ADAM22: variants seen among roughly 807,000 people sequenced by gnomAD.
ADAM22 encodes ADAM metallopeptidase domain 22, also known as disintegrin and metalloproteinase domain-containing protein 22.
ADAM22 carries 65 observed loss-of-function variants against 144.6 expected under a neutral mutation model. The ratio of observed to expected loss-of-function variants is 0.45; its 90% confidence interval spans 0.37 to 0.55. The LOEUF (loss-of-function observed/expected upper bound fraction) is 0.55, where lower values mean the gene tolerates loss of function less well. Ranked by LOEUF, ADAM22 falls within the 20% of genes least tolerant of loss-of-function variation. ADAM22 has a pLI of 0.00. For synonymous variants in ADAM22, 391 were observed against 412.6 expected (o/e 0.95, Z 0.63); for missense variants, 974 against 1,184.9 (o/e 0.82, Z 2.61).
chr7:88,110,392 T>C (rs545803111), intron 5 of ADAM22, among the ~76,000 whole-genome samples: 1 of 152,216 alleles, frequency 6.6e-6, no homozygotes, highest in East Asian at 1.9e-4. Context: ...AAAGTCCTAG[T>C]GTCAGCATCT....
At chr7:88,033,979 C>G (rs1224961177) in intron 3 of ADAM22, among the ~76,000 whole-genome samples, 2 of 152,276 alleles carry the variant, frequency 1.3e-5, no homozygotes, top group African/African-American at 4.8e-5. Context: ...TCCAGAAATG[C>G]CTTCCAGGAG....
At chr7:88,126,131 T>C (rs544075861) in intron 8 of ADAM22, among the ~76,000 whole-genome samples, 11 of 152,060 alleles carry the variant, frequency 7.2e-5, no homozygotes, top group Non-Finnish European at 1.5e-4. Flanking sequence ...GACTTTATGA[T>C]TGTTCGACTG....
At chr7:88,096,237 T>A (rs1341434915) in intron 4 of ADAM22, among the ~76,000 whole-genome samples, 1 of 152,048 alleles carries the variant, frequency 6.6e-6, no homozygotes, top group Non-Finnish European at 1.5e-5. Context: ...ATACTTTTTT[T>A]TTTTTTTCCC....
intron 23 of ADAM22, among the ~76,000 whole-genome samples, chr7:88,165,110 C>T (rs1842645984): frequency 6.6e-6 from 1 of 152,064 alleles, no homozygotes; most frequent in Non-Finnish European, 1.5e-5. Flanking sequence ...CATCTTCAAC[C>T]TAACTTAACT....
chr7:88,011,547 A>AG (rs1400213436), intron 3 of ADAM22, among the ~76,000 whole-genome samples: 2 of 152,036 alleles, frequency 1.3e-5, no homozygotes, highest in East Asian at 3.9e-4. Flanking sequence ...CTCAAAAAAA[A>AG]AAAAAAAAGA....
At chr7:88,024,627 C>T (rs576279168) in intron 3 of ADAM22, among the ~76,000 whole-genome samples, 332 of 151,640 alleles carry the variant, frequency 2.2e-3, no homozygotes, top group African/African-American at 7.4e-3. Context: ...TGTATACATA[C>T]GCCATGTTGG....
At chr7:87,982,184 A>G (rs1163569069) in intron 3 of ADAM22, among the ~76,000 whole-genome samples, 1 of 151,910 alleles carries the variant, frequency 6.6e-6, no homozygotes, top group Non-Finnish European at 1.5e-5. Flanking sequence ...ACTTGAGAAG[A>G]AAGGAAACAA....
chr7:88,053,664 GATATCTTCACTTAGCAAA>G (rs1807318394), intron 3 of ADAM22, among the ~76,000 whole-genome samples: 1 of 151,734 alleles, frequency 6.6e-6, no homozygotes, highest in Non-Finnish European at 1.5e-5. Flanking sequence ...AAGTAAAAAA[GATATCTTCACTTAGCAAA>G]ATATCTTAGA....
intron 2 of ADAM22, among the ~76,000 whole-genome samples, chr7:87,975,156 C>T (rs1851605414): frequency 6.6e-6 from 1 of 152,122 alleles, no homozygotes; most frequent in Non-Finnish European, 1.5e-5. Context: ...AATGTTGTTA[C>T]CTGGATATTA....
intron 3 of ADAM22, among the ~76,000 whole-genome samples, chr7:87,994,333 T>C (rs193233612): frequency 0.027 from 4,160 of 152,166 alleles, 187 homozygotes; most frequent in African/African-American, 0.095. Context: ...GCTAATTTTT[T>C]ATATTTTTTA....
rs1835280152 is a variant in ADAM22, at chr7:88,143,114, A to T, written c.1309A>T (p.Lys437Ter). The change falls in exon 15 of 32, where the codon AAA becomes TAA. Residue 437 changes from lysine (K) to a stop codon, truncating the protein, a stop_gained. Coordinates refer to ENST00000413139, the MANE Select transcript of ADAM22 (RefSeq NM_001324418.2). LOFTEE classifies it high-confidence loss of function. ...TGGAGGTGGTGCCTGCCTTTTCAAC[A>T]AACCTTCTAAGGTAATAAGTGTGGT... ...NSGGGACLFN[K>*]PSKLLDPPEC... 1.2e-6 allele frequency: 2 copies of T among 1,604,916 alleles called. No homozygotes were observed. The highest frequency in any genetic ancestry group is 1.7e-6 in the Non-Finnish European group (2 of 1,172,276).
chr7:88,038,906 G>A (rs1018160467), intron 3 of ADAM22, among the ~76,000 whole-genome samples: 2 of 151,536 alleles, frequency 1.3e-5, no homozygotes, highest in South Asian at 2.1e-4. Flanking sequence ...TCAGCCTCTC[G>A]AGTAGCTGGG....
At chr7:88,156,280 A>C (rs1322460417) in intron 22 of ADAM22, among the ~76,000 whole-genome samples, 1 of 152,186 alleles carries the variant, frequency 6.6e-6, no homozygotes, top group Non-Finnish European at 1.5e-5. Flanking sequence ...TTGGAAAATG[A>C]ATGAGGACTT....
Position 88,149,100 on chromosome 7 carries a change from G to T in ADAM22, c.1566+43G>T. 4 of 1,473,152 alleles carry T rather than the reference G, an allele frequency of 2.7e-6. No homozygotes were observed. In the South Asian group the frequency reaches 4.6e-5, roughly 17 times the overall value. 91.3% of individuals were successfully genotyped at this position (1,473,152 alleles called of 1,614,324 possible). A position where few individuals can be genotyped will look rare whatever the true frequency, so the allele number is the denominator to read the frequency against. Reference sequence around the variant, plus strand: ...TGCTCTAAAACTTATGGGAAAAAGTGGGGGTATCTTTAGTGCACTGACCCT... The same window carrying T: ...TGCTCTAAAACTTATGGGAAAAAGTTGGGGTATCTTTAGTGCACTGACCCT... On this transcript the variant is annotated intron_variant, in intron 18 of 31. Coordinates refer to ENST00000413139, the MANE Select transcript of ADAM22 (RefSeq NM_001324418.2).
chr7:88,076,856 A>T (rs1213799872), intron 4 of ADAM22, among the ~76,000 whole-genome samples: 5 of 152,220 alleles, frequency 3.3e-5, no homozygotes, highest in Non-Finnish European at 7.3e-5. Flanking sequence ...CTTTATCTGA[A>T]TTATAATCCC....
intron 22 of ADAM22, among the ~76,000 whole-genome samples, chr7:88,158,171 G>A (rs1354916072): frequency 6.6e-6 from 1 of 152,118 alleles, no homozygotes; most frequent in African/African-American, 2.4e-5. Context: ...ATTATGTAAT[G>A]GTAGAGGGTT....
chr7:88,155,980 G>A lies in ADAM22; in HGVS notation c.1881G>A (p.Val627=). The A allele has an allele frequency of 6.2e-7, 1 of 1,613,234 alleles. No homozygotes were observed. Among genetic ancestry groups the A allele is most frequent in the Non-Finnish European group, 8.5e-7 (1 of 1,179,476 alleles). The change falls in exon 22 of 32, where the codon GTG becomes GTA. Residue 627 remains valine, a synonymous_variant. Coordinates refer to ENST00000413139, the MANE Select transcript of ADAM22 (RefSeq NM_001324418.2). The part of the protein sequence containing the change: ...LDGEITSTLV[V]QQGRTLNCSG... ...GTGAAATCACATCTACTTTAGTTGT[G>A]CAGCAAGGAAGAACATTAAACTGCA...
At chr7:87,996,050 CTCAG>C (rs1791137851) in intron 3 of ADAM22, among the ~76,000 whole-genome samples, 1 of 152,148 alleles carries the variant, frequency 6.6e-6, no homozygotes, top group Non-Finnish European at 1.5e-5. Flanking sequence ...TAATTAGCTA[CTCAG>C]TCAGTCACTG....
intron 31 of ADAM22, 136 bp downstream of exon 31, chr7:88,193,375 G>T: frequency 9.4e-7 from 1 of 1,058,768 alleles, no homozygotes; most frequent in African/African-American, 1.6e-5. Flanking sequence ...AAAATAAGGA[G>T]ATTCTTGAGA....
Sources: allele counts gnomAD v4.1 joint callset (sites outside exome capture counted in the v4.1 genomes callset), GRCh38; gene constraint gnomAD v4.1.1; transcripts MANE v1.5; gene names NCBI Gene and HGNC (gene_info 2026-07-23, HGNC 2026-07-21).